CDC42BPA: variants seen among roughly 807,000 people sequenced by gnomAD.
CDC42BPA encodes the protein serine/threonine-protein kinase MRCK alpha.
CDC42BPA carries 80 observed loss-of-function variants against 223.5 expected under a neutral mutation model. The observed-to-expected ratio is 0.36, with a 90% CI of 0.30 to 0.43. The LOEUF (loss-of-function observed/expected upper bound fraction) is 0.43. Among genes scored for constraint, CDC42BPA ranks in the 20% least tolerant of loss-of-function variants. CDC42BPA has a pLI of 1.00. For missense variants in CDC42BPA, 1,743 were observed against 2,099.9 expected (o/e 0.83, Z 3.32); for synonymous variants, 694 against 718.6 (o/e 0.97, Z 0.55).
chr1:227,278,285 A>G (rs1687454425), intron 1 of CDC42BPA, among the ~76,000 whole-genome samples: 1 of 152,246 alleles, frequency 6.6e-6, no homozygotes. Flanking sequence ...ATGGATGCAG[A>G]TGGTGTAATT....
chr1:227,266,973 T>C (rs1014748788), intron 1 of CDC42BPA, among the ~76,000 whole-genome samples: 3 of 152,200 alleles, frequency 2.0e-5, no homozygotes, highest in Non-Finnish European at 4.4e-5. Flanking sequence ...ATACAGTCTT[T>C]AGCATGAGAT....
chr1:227,199,437 C>CA, intron 4 of CDC42BPA, 120 bp downstream of exon 4: 1 of 624,652 alleles, frequency 1.6e-6, no homozygotes, highest in Non-Finnish European at 2.8e-6. Flanking sequence ...AACAACTTAC[C>CA]CTGTATGAAA....
chr1:227,168,744 G>A (rs188198790), intron 5 of CDC42BPA, among the ~76,000 whole-genome samples: 5 of 152,000 alleles, frequency 3.3e-5, no homozygotes, highest in South Asian at 2.1e-4. Flanking sequence ...TGATCCATCC[G>A]CCTCGGCCTC....
At chr1:227,280,707 C>CA (rs928854421) in intron 1 of CDC42BPA, among the ~76,000 whole-genome samples, 2 of 151,870 alleles carry the variant, frequency 1.3e-5, no homozygotes, top group East Asian at 1.9e-4. Flanking sequence ...TATATTTTAA[C>CA]AAAAAAAATC....
At chr1:227,305,739 G>A (rs866646406) in intron 1 of CDC42BPA, among the ~76,000 whole-genome samples, 17 of 152,176 alleles carry the variant, frequency 1.1e-4, no homozygotes, top group South Asian at 6.2e-4. Flanking sequence ...GCCAAGGTGG[G>A]TGGATAACCC....
intron 7 of CDC42BPA, 95 bp downstream of exon 7, chr1:227,147,260 ATTGT>A (rs761919458): frequency 1.1e-4 from 85 of 771,736 alleles, no homozygotes; most frequent in Non-Finnish European, 1.7e-4. Flanking sequence ...TAGAAATGTG[ATTGT>A]TCACTGTTTT....
chr1:226,995,244 G>T (rs1661386089), intron 35 of CDC42BPA, among the ~76,000 whole-genome samples: 1 of 152,206 alleles, frequency 6.6e-6, no homozygotes, highest in Non-Finnish European at 1.5e-5. Flanking sequence ...CCAATGCCCT[G>T]CTTGTTAACA....
At chr1:227,127,958 T>C (rs1269386381) in intron 11 of CDC42BPA, among the ~76,000 whole-genome samples, 2 of 152,168 alleles carry the variant, frequency 1.3e-5, no homozygotes, top group Non-Finnish European at 2.9e-5. Flanking sequence ...CTGCTCTCTC[T>C]CCCTATCCCT....
chr1:227,183,743 A>C (rs1572197645), intron 5 of CDC42BPA, among the ~76,000 whole-genome samples: 5 of 152,352 alleles, frequency 3.3e-5, no homozygotes, highest in Admixed American at 3.3e-4. Context: ...AGATCATGTT[A>C]CATGCTTAAC....
chr1:227,289,479 C>T (rs377570819), intron 1 of CDC42BPA, among the ~76,000 whole-genome samples: 3 of 152,274 alleles, frequency 2.0e-5, no homozygotes, highest in East Asian at 3.9e-4. Flanking sequence ...AATTACCACC[C>T]AAAACACTCT....
chr1:226,996,960 T>A (rs1033715589), intron 35 of CDC42BPA, among the ~76,000 whole-genome samples: 26 of 152,258 alleles, frequency 1.7e-4, no homozygotes, highest in African/African-American at 6.3e-4. Flanking sequence ...ATCAGGATGA[T>A]GCTGGCCTCA....
At chr1:227,076,011 C>G (rs1679393960) in intron 17 of CDC42BPA, among the ~76,000 whole-genome samples, 1 of 152,122 alleles carries the variant, frequency 6.6e-6, no homozygotes, top group Admixed American at 6.5e-5. Flanking sequence ...ACATGTTGAA[C>G]ACATTTATTT....
chr1:227,056,291 A>G (rs899668005), intron 21 of CDC42BPA, among the ~76,000 whole-genome samples: 1 of 152,204 alleles, frequency 6.6e-6, no homozygotes, highest in Non-Finnish European at 1.5e-5. Flanking sequence ...TGGATTATAT[A>G]TGGTCAACCT....
Position 227,134,729 on chromosome 1 carries a change from T to C in CDC42BPA, c.1390+4847A>G, listed in dbSNP as rs559225903. Among the ~76,000 whole-genome samples the C allele has an allele frequency of 2.6e-5, 4 of 152,340 alleles. No individual in the cohort carries two copies. In the South Asian group the frequency reaches 8.3e-4, roughly 32 times the overall value. The stretch of plus-strand genomic sequence containing the variant: ...CTATGTCACTGCTATGAAACAAGTA[T>C]TCATACCAAAAGGCAATGATCTTAC... On this transcript the variant is annotated intron_variant, in intron 10 of 36. Coordinates refer to ENST00000366766, the MANE Select transcript of CDC42BPA (RefSeq NM_001394014.1).
intron 6 of CDC42BPA, among the ~76,000 whole-genome samples, chr1:227,149,156 A>T (rs1661271730): frequency 6.6e-6 from 1 of 152,238 alleles, no homozygotes; most frequent in Non-Finnish European, 1.5e-5. Flanking sequence ...GCAGAGACGG[A>T]CAAGACATTT....
At chr1:227,074,840 T>C (rs769319804) in intron 17 of CDC42BPA, among the ~76,000 whole-genome samples, 1 of 152,316 alleles carries the variant, frequency 6.6e-6, no homozygotes, top group African/African-American at 2.4e-5. Context: ...GTAATTAAGC[T>C]CTTCTGTTTT....
chr1:227,119,705 C>G (rs1018692342), intron 12 of CDC42BPA, 99 bp downstream of exon 12: 1 of 764,412 alleles, frequency 1.3e-6, no homozygotes, highest in Non-Finnish European at 1.9e-6. Flanking sequence ...ATAAAATATA[C>G]TATGTATTAT....
chr1:227,125,037 C>A (rs1689307695), intron 11 of CDC42BPA, among the ~76,000 whole-genome samples: 1 of 151,856 alleles, frequency 6.6e-6, no homozygotes, highest in Non-Finnish European at 1.5e-5. Context: ...TCATATATCC[C>A]AGAATTAGAA....
At position 227,139,710 on chromosome 1, in the gene CDC42BPA, G is replaced by C. The variant is rs370729750; in HGVS notation, c.1256C>G (p.Thr419Arg). Residue 419 changes from threonine to arginine, a missense_variant, in exon 10 of 37, where the codon ACG (threonine) becomes AGG (arginine). Transcript: ENST00000366766. The stretch of plus-strand genomic sequence containing the variant: ...AAGATCCAGTGAGGTGGGACCAGCC[G>C]TAACTCTTAAACAGCTCCGATCAGA... ...VLSDRSCLRV[T>R]AGPTSLDLDV... The C allele has an allele frequency of 3.8e-6, 6 of 1,595,616 alleles. No individual in the cohort carries two copies. The highest frequency in any genetic ancestry group is 1.7e-4 in the Middle Eastern group (1 of 5,968).
Sources: gnomAD v4.1 joint callset for allele counts (sites outside exome capture counted in the v4.1 genomes callset) on GRCh38, gnomAD v4.1.1 for gene constraint, MANE v1.5 for transcripts, NCBI Gene and HGNC (gene_info 2026-07-23, HGNC 2026-07-21) for gene names.